GOT1: variants seen among roughly 807,000 people sequenced by gnomAD.
The protein encoded by GOT1 is glutamic-oxaloacetic transaminase 1.
GOT1 carries 25 observed loss-of-function variants against 48.2 expected under a neutral mutation model. The observed-to-expected ratio is 0.52, with a 90% CI of 0.38 to 0.72. GOT1 has a LOEUF of 0.72. Ranked by LOEUF, GOT1 falls within the 30% of genes least tolerant of loss-of-function variation. GOT1 has a pLI of 0.00. For missense variants in GOT1, 380 were observed against 520.1 expected (o/e 0.73, Z 2.62); for synonymous variants, 188 against 193.8 (o/e 0.97, Z 0.25).
intron 2 of GOT1, among the ~76,000 whole-genome samples, chr10:99,419,768 C>G (rs2032943597): frequency 6.6e-6 from 1 of 152,190 alleles, no homozygotes; most frequent in African/African-American, 2.4e-5. Flanking sequence ...CCAGCTGGAG[C>G]TGAGAACCAG....
intron 1 of GOT1, 96 bp from the exon 2 acceptor site, chr10:99,420,901 G>A (rs921585311): frequency 4.1e-6 from 4 of 976,632 alleles, no homozygotes; most frequent in African/African-American, 3.3e-5. Flanking sequence ...ACCACCTTCC[G>A]GTCAAAACAG....
chr10:99,399,565 G>A (rs7906501), intron 8 of GOT1, among the ~76,000 whole-genome samples: 5,113 of 152,196 alleles, frequency 0.034, 306 homozygotes, highest in African/African-American at 0.12. Flanking sequence ...GAGCCCAGGA[G>A]TTGACGACCA....
intron 2 of GOT1, chr10:99,420,257 CAT>C (rs200073770): frequency 5.6e-5 from 10 of 178,926 alleles, no homozygotes; most frequent in East Asian, 1.5e-4. Context: ...CTTTTTCTAA[CAT>C]GTGTATGTGA....
chr10:99,401,996 C>G (rs186875286), intron 8 of GOT1, among the ~76,000 whole-genome samples: 5,098 of 151,786 alleles, frequency 0.034, 295 homozygotes, highest in African/African-American at 0.12. Flanking sequence ...TTTTAATAGA[C>G]ACGGGGTTTC....
At chr10:99,402,792 A>T in intron 7 of GOT1, 70 bp from the exon 8 acceptor site, 1 of 1,338,608 alleles carries the variant, frequency 7.5e-7, no homozygotes, top group Non-Finnish European at 1.1e-6. Flanking sequence ...ACACAGGTTT[A>T]AAAACTCTAA....
chr10:99,414,057 A>C (rs2032862057), intron 2 of GOT1, among the ~76,000 whole-genome samples: 1 of 152,244 alleles, frequency 6.6e-6, no homozygotes, highest in Non-Finnish European at 1.5e-5. Context: ...AGCAGCTAAC[A>C]TCATAATAAC....
chr10:99,398,912 T>C (rs2032633824), intron 8 of GOT1, among the ~76,000 whole-genome samples: 1 of 151,834 alleles, frequency 6.6e-6, no homozygotes, highest in Non-Finnish European at 1.5e-5. Context: ...TGGTCAATGG[T>C]GGATGTGGGA....
chr10:99,415,676 C>T lies in GOT1; in HGVS notation c.300+4948G>A, dbSNP rs1234423193. ...TTAGACCAATATCCCTGATGAACAT[C>T]GACGCAAAAATCCTCAATAAAATGC... On this transcript the variant is annotated intron_variant, in intron 2 of 8. Coordinates refer to ENST00000370508, the MANE Select transcript of GOT1 (RefSeq NM_002079.3). Among the ~76,000 whole-genome samples the T allele has an allele frequency of 5.3e-5, 8 of 152,186 alleles. No homozygotes were observed. The South Asian group carries it at 1.0e-3, about 20-fold the overall frequency.
chr10:99,420,494 C>T (rs140483856), intron 2 of GOT1, 130 bp downstream of exon 2: 66 of 689,484 alleles, frequency 9.6e-5, no homozygotes, highest in African/African-American at 8.4e-4. Flanking sequence ...TTCCTGAACT[C>T]GCGCTACAGA....
chr10:99,426,551 A>G (rs2033040069), intron 1 of GOT1, among the ~76,000 whole-genome samples: 3 of 152,258 alleles, frequency 2.0e-5, no homozygotes. Context: ...CTGGGCCAAA[A>G]GAAAGCTAGG....
At chr10:99,429,337 C>T (rs924300567) in intron 1 of GOT1, among the ~76,000 whole-genome samples, 7 of 150,582 alleles carry the variant, frequency 4.6e-5, no homozygotes, top group African/African-American at 1.7e-4. Flanking sequence ...CCTGAGCCAC[C>T]GCGCCCGGCC....
At chr10:99,416,679 C>T (rs186087421) in intron 2 of GOT1, among the ~76,000 whole-genome samples, 2 of 152,126 alleles carry the variant, frequency 1.3e-5, no homozygotes, top group East Asian at 3.9e-4. Context: ...CTTCAAACTA[C>T]ACTACAAGGC....
intron 5 of GOT1, among the ~76,000 whole-genome samples, chr10:99,404,254 G>A (rs1005974421): frequency 2.6e-5 from 4 of 152,066 alleles, no homozygotes; most frequent in African/African-American, 9.7e-5. Flanking sequence ...ATTCTGCTAG[G>A]TACTCAAGAG....
At chr10:99,430,106 C>T (rs558534642) in intron 1 of GOT1, 2 of 464,610 alleles carry the variant, frequency 4.3e-6, no homozygotes, top group Non-Finnish European at 8.3e-6. Flanking sequence ...TATCAGGCTT[C>T]CTATTTTTCT....
At chr10:99,423,807 A>C in intron 1 of GOT1, among the ~76,000 whole-genome samples, 1 of 151,130 alleles carries the variant, frequency 6.6e-6, no homozygotes, top group African/African-American at 2.4e-5. Flanking sequence ...CACCACCAGG[A>C]CCAGCTAATT....
chr10:99,400,480 T>C (rs2032658323), intron 8 of GOT1, among the ~76,000 whole-genome samples: 1 of 151,580 alleles, frequency 6.6e-6, no homozygotes, highest in Admixed American at 6.6e-5. Context: ...ACCCCGTTTC[T>C]ACAAAAAATT....
At chr10:99,411,961 C>T (rs2032832846) in intron 2 of GOT1, among the ~76,000 whole-genome samples, 1 of 152,136 alleles carries the variant, frequency 6.6e-6, no homozygotes, top group Non-Finnish European at 1.5e-5. Context: ...TACTGTTATT[C>T]CCAAGCTGTG....
intron 1 of GOT1, among the ~76,000 whole-genome samples, chr10:99,424,712 G>C (rs929229403): frequency 6.6e-6 from 1 of 152,244 alleles, no homozygotes; most frequent in East Asian, 1.9e-4. Context: ...GGGATGGTTG[G>C]AGAGGCATTG....
At chr10:99,426,564 C>T (rs1449790220) in intron 1 of GOT1, among the ~76,000 whole-genome samples, 1 of 152,140 alleles carries the variant, frequency 6.6e-6, no homozygotes, top group African/African-American at 2.4e-5. Flanking sequence ...AAGCTAGGCT[C>T]ACATGAAAAA....
Sources: allele counts gnomAD v4.1 joint callset (sites outside exome capture counted in the v4.1 genomes callset), GRCh38; gene constraint gnomAD v4.1.1; transcripts MANE v1.5; gene names NCBI Gene and HGNC (gene_info 2026-07-23, HGNC 2026-07-21).